Variants in RAB31 observed in about 807,000 individuals in gnomAD.
The protein encoded by RAB31 is RAB31, member RAS oncogene family.
RAB31 carries 21 observed loss-of-function variants against 25.6 expected under a neutral mutation model. That is an observed-to-expected ratio of 0.82 (90% confidence interval 0.58 to 1.18). RAB31 has a LOEUF of 1.18. Among genes scored for constraint, RAB31 ranks in the 50% most tolerant of loss-of-function variants. The pLI is 0.00. For synonymous variants in RAB31, 87 were observed against 84.0 expected, an observed-to-expected ratio of 1.04 and a Z score of -0.20; for missense variants, 196 against 250.1, an observed-to-expected ratio of 0.78 and a Z score of 1.46.
intron 3 of RAB31, among the ~76,000 whole-genome samples, chr18:9,799,346 G>A (rs1375235501): frequency 3.3e-5 from 5 of 152,190 alleles, no homozygotes; most frequent in Admixed American, 1.3e-4. Context: ...CAGCATTCTG[G>A]TTAATGTCCT....
chr18:9,853,229 A>G (rs1456053134), intron 6 of RAB31, among the ~76,000 whole-genome samples: 1 of 152,138 alleles, frequency 6.6e-6, no homozygotes, highest in African/African-American at 2.4e-5. Context: ...TTAATTATTG[A>G]TGAAGTGTAG....
chr18:9,750,417 A>G (rs2068228794), intron 1 of RAB31, among the ~76,000 whole-genome samples: 1 of 152,184 alleles, frequency 6.6e-6, no homozygotes, highest in Non-Finnish European at 1.5e-5. Flanking sequence ...ATTCGTCTAG[A>G]AGGATCCCGC....
chr18:9,810,230 C>T (rs944468471), intron 3 of RAB31, among the ~76,000 whole-genome samples: 1 of 152,188 alleles, frequency 6.6e-6, no homozygotes, highest in South Asian at 2.1e-4. Context: ...TTCAAATAAC[C>T]TTTCAAGGTA....
chr18:9,748,391 A>C (rs182339906), intron 1 of RAB31, among the ~76,000 whole-genome samples: 52 of 152,248 alleles, frequency 3.4e-4, no homozygotes, highest in African/African-American at 1.2e-3. Context: ...CGGTAGTCCC[A>C]GCTACTCAGG....
In RAB31 at chr18:9,722,142, G is replaced by A. The variant is rs140229271; in HGVS notation, c.39+13698G>A. On this transcript the variant is annotated intron_variant, in intron 1 of 6. Transcript: ENST00000578921. Reference sequence around the variant, plus strand: ...GGAGGTTTGGGGCTGGATCAGGCGCGGTCTTGCGGGCTGGTGTAGGAACTT... The same window carrying A: ...GGAGGTTTGGGGCTGGATCAGGCGCAGTCTTGCGGGCTGGTGTAGGAACTT... 6.1e-3 allele frequency among the ~76,000 whole-genome samples: 931 copies of A among 152,242 alleles called. 5 individuals are homozygous for A. Among genetic ancestry groups the A allele is most frequent in the Middle Eastern group, 0.017 (5 of 294 alleles).
chr18:9,712,966 C>T (rs1472788304), intron 1 of RAB31, among the ~76,000 whole-genome samples: 1 of 152,118 alleles, frequency 6.6e-6, no homozygotes, highest in Non-Finnish European at 1.5e-5. Context: ...AGTCAAATAC[C>T]TGGGATTTGG....
intron 2 of RAB31, among the ~76,000 whole-genome samples, chr18:9,789,463 G>T (rs1486391377): frequency 6.6e-6 from 1 of 152,126 alleles, no homozygotes; most frequent in African/African-American, 2.4e-5. Context: ...ATTACACATT[G>T]CATACATGTA....
chr18:9,823,207 G>C (rs2068632353), intron 5 of RAB31, among the ~76,000 whole-genome samples: 1 of 152,140 alleles, frequency 6.6e-6, no homozygotes, highest in African/African-American at 2.4e-5. Context: ...TTTAGAAATA[G>C]AGGATAGATT....
intron 3 of RAB31, among the ~76,000 whole-genome samples, chr18:9,812,046 T>C (rs2068574580): frequency 6.6e-6 from 1 of 152,226 alleles, no homozygotes; most frequent in South Asian, 2.1e-4. Flanking sequence ...GGTATGCAGA[T>C]ACTCGCCTTC....
chr18:9,800,868 G>C (rs1470588169), intron 3 of RAB31, among the ~76,000 whole-genome samples: 1 of 152,032 alleles, frequency 6.6e-6, no homozygotes, highest in African/African-American at 2.4e-5. Context: ...GCACCTTGGT[G>C]GGTTCTGATG....
intron 3 of RAB31, among the ~76,000 whole-genome samples, chr18:9,801,580 C>T (rs1450466917): frequency 1.3e-5 from 2 of 152,150 alleles, no homozygotes; most frequent in Non-Finnish European, 2.9e-5. Context: ...CGTGCCCGGC[C>T]AGATGCATGT....
At chr18:9,846,471 G>T (rs549662000) in intron 6 of RAB31, among the ~76,000 whole-genome samples, 3 of 152,334 alleles carry the variant, frequency 2.0e-5, no homozygotes, top group African/African-American at 7.2e-5. Context: ...CCTCAGGAAA[G>T]TTCGACCGGA....
intron 1 of RAB31, among the ~76,000 whole-genome samples, chr18:9,734,242 A>C (rs1261951651): frequency 1.3e-5 from 2 of 152,094 alleles, no homozygotes; most frequent in African/African-American, 4.8e-5. Context: ...CAGCCCTGTG[A>C]GGTGTTGCTC....
chr18:9,767,768 G>A (rs1442182285), intron 1 of RAB31, among the ~76,000 whole-genome samples: 6 of 151,906 alleles, frequency 3.9e-5, no homozygotes, highest in South Asian at 2.1e-4. Context: ...TGTGCAGAAC[G>A]TGCAGATTTG....
At chr18:9,735,168 C>T (rs2068145064) in intron 1 of RAB31, among the ~76,000 whole-genome samples, 1 of 152,136 alleles carries the variant, frequency 6.6e-6, no homozygotes, top group South Asian at 2.1e-4. Flanking sequence ...TAGGCGCCTG[C>T]CACCATGCCT....
In RAB31 at chr18:9,859,429, G is replaced by A. The variant is rs1054792578; in HGVS notation, c.*104G>A. 16 of 966,918 alleles carry A rather than the reference G, an allele frequency of 1.7e-5. No individual in the cohort carries two copies. The highest frequency in any genetic ancestry group is 7.9e-5 in the East Asian group (3 of 38,058). The allele number at this position is 966,918 out of a possible 1,614,324, so 59.9% of individuals were successfully genotyped here. On this transcript the variant is annotated 3_prime_UTR_variant, in exon 7 of 7. Transcript: ENST00000578921. ...GGCCTGGCACCTCACTTTGAGAAGA[G>A]TGAGCACACTGGCTTTGCATCCTGG...
intron 5 of RAB31, among the ~76,000 whole-genome samples, chr18:9,840,714 C>T (rs1488706649): frequency 3.3e-5 from 5 of 152,232 alleles, no homozygotes; most frequent in Admixed American, 1.3e-4. Flanking sequence ...TGCAATACTG[C>T]GAGACTGCCT....
intron 1 of RAB31, among the ~76,000 whole-genome samples, chr18:9,757,538 C>G (rs1420714017): frequency 1.3e-5 from 2 of 152,212 alleles, no homozygotes; most frequent in Non-Finnish European, 2.9e-5. Flanking sequence ...CAACTCTAGT[C>G]CAGAACTCTA....
In RAB31 at chr18:9,811,724, C is replaced by T. The variant is rs542146101; in HGVS notation, c.202-2296C>T. Among the ~76,000 whole-genome samples the T allele has an allele frequency of 3.3e-5, 5 of 152,260 alleles. 1 individual carries two copies. Among genetic ancestry groups the T allele is most frequent in the African/African-American group, 1.2e-4 (5 of 41,554 alleles). ...GCTCACAGAGACATACTCCCACATACATTTTACCCTACATTATATTATCAT... is the reference window on the plus strand; with the variant it reads ...GCTCACAGAGACATACTCCCACATATATTTTACCCTACATTATATTATCAT... On this transcript the variant is annotated intron_variant, in intron 3 of 6. Transcript: ENST00000578921.
Sources: gnomAD v4.1 joint callset for allele counts (sites outside exome capture counted in the v4.1 genomes callset) on GRCh38, gnomAD v4.1.1 for gene constraint, MANE v1.5 for transcripts, NCBI Gene and HGNC (gene_info 2026-07-23, HGNC 2026-07-21) for gene names.